Variants in SPOCK1 observed in about 807,000 individuals in gnomAD.
The protein encoded by SPOCK1 is testican-1.
SPOCK1 carries 23 observed loss-of-function variants against 55.3 expected under a neutral mutation model. The observed-to-expected ratio is 0.42, with a 90% CI of 0.30 to 0.59. The LOEUF (loss-of-function observed/expected upper bound fraction) is 0.59, where lower values mean the gene tolerates loss of function less well. SPOCK1 is among the 20% of genes least tolerant of loss of function. The pLI is 0.22. For synonymous variants in SPOCK1, 226 were observed against 221.0 expected (o/e 1.02, Z -0.20); for missense variants, 499 against 552.5 (o/e 0.90, Z 0.97).
chr5:137,322,740 AC>A (rs1758002713), intron 2 of SPOCK1, among the ~76,000 whole-genome samples: 1 of 152,224 alleles, frequency 6.6e-6, no homozygotes, highest in Admixed American at 6.5e-5. Context: ...GAAAAAAGGA[AC>A]AAAAACACTA....
intron 2 of SPOCK1, among the ~76,000 whole-genome samples, chr5:137,428,713 C>G (rs529121366): frequency 6.6e-6 from 1 of 152,318 alleles, no homozygotes; most frequent in African/African-American, 2.4e-5. Flanking sequence ...TCACTGGCCT[C>G]TAGCCCACCC....
chr5:137,338,936 G>GTGCA (rs1345626501), intron 2 of SPOCK1, among the ~76,000 whole-genome samples: 5 of 152,160 alleles, frequency 3.3e-5, no homozygotes, highest in African/African-American at 1.2e-4. Context: ...CAAAGGGACT[G>GTGCA]TCAATGCCTG....
chr5:137,367,835 T>A (rs1385947512), intron 2 of SPOCK1, among the ~76,000 whole-genome samples: 1 of 152,184 alleles, frequency 6.6e-6, no homozygotes, highest in Admixed American at 6.5e-5. Flanking sequence ...AAAATGGGCA[T>A]CCCTGCCCCC....
intron 2 of SPOCK1, among the ~76,000 whole-genome samples, chr5:137,433,340 G>C (rs1752789096): frequency 4.7e-5 from 1 of 21,288 alleles, no homozygotes; most frequent in Non-Finnish European, 4.3e-4. Flanking sequence ...AAAGACAATA[G>C]CCAGTTCACT....
chr5:137,453,474 CAA>C lies in SPOCK1; in HGVS notation c.186+44897_186+44898del, dbSNP rs774229991. 3.2e-3 allele frequency among the ~76,000 whole-genome samples: 490 copies of C among 152,196 alleles called. 3 individuals carry two copies. The highest frequency in any genetic ancestry group is 5.6e-3 in the Admixed American group (85 of 15,270). On this transcript the variant is annotated intron_variant, in intron 2 of 10. Transcript: ENST00000394945. ...GTCTAAGACCAAGAAAACTTGGGCC[CAA>C]AATATCAAGGCACTGAAAGCTAAAA...
chr5:137,396,009 C>T (rs1334624115), intron 2 of SPOCK1, among the ~76,000 whole-genome samples: 2 of 152,204 alleles, frequency 1.3e-5, no homozygotes, highest in Admixed American at 1.3e-4. Flanking sequence ...AGTTACGTTT[C>T]CTTGCAGCCA....
chr5:137,338,102 T>C (rs976489395), intron 2 of SPOCK1, among the ~76,000 whole-genome samples: 4 of 152,194 alleles, frequency 2.6e-5, no homozygotes, highest in Non-Finnish European at 4.4e-5. Flanking sequence ...ATGTGCCATG[T>C]TGGTGTGCTG....
rs550513166 is a variant in SPOCK1, at chr5:137,239,087, A to G, written c.232+27923T>C. 1.1e-3 allele frequency among the ~76,000 whole-genome samples: 168 copies of G among 152,356 alleles called. 6 individuals carry two copies. The highest frequency in any genetic ancestry group is 6.8e-3 in the Middle Eastern group (2 of 294). On this transcript the variant is annotated intron_variant, in intron 3 of 10. Transcript: ENST00000394945. The stretch of plus-strand genomic sequence containing the variant: ...CCAGAGGAGCCAACCATGTGATTAA[A>G]AGATTTTAACTTGCAGCACTAATCC...
intron 2 of SPOCK1, among the ~76,000 whole-genome samples, chr5:137,401,968 T>C (rs963268028): frequency 6.6e-6 from 1 of 152,162 alleles, no homozygotes; most frequent in African/African-American, 2.4e-5. Flanking sequence ...TTGTCTAAGA[T>C]ATCAGGATTT....
intron 5 of SPOCK1, among the ~76,000 whole-genome samples, chr5:137,073,473 T>C (rs1215928557): frequency 6.6e-6 from 1 of 152,104 alleles, no homozygotes; most frequent in Non-Finnish European, 1.5e-5. Context: ...GTGAGGAAGC[T>C]AGAGAGGGAT....
chr5:137,219,663 A>C (rs891629371), intron 3 of SPOCK1, among the ~76,000 whole-genome samples: 1 of 152,214 alleles, frequency 6.6e-6, no homozygotes, highest in African/African-American at 2.4e-5. Flanking sequence ...AGAAACAATA[A>C]CTGGCATAGT....
intron 6 of SPOCK1, among the ~76,000 whole-genome samples, chr5:137,051,068 G>A (rs1752198409): frequency 6.6e-6 from 1 of 152,128 alleles, no homozygotes; most frequent in Non-Finnish European, 1.5e-5. Flanking sequence ...TATCGTCGGA[G>A]AGAATAGATA....
chr5:137,386,486 G>C (rs1407674420), intron 2 of SPOCK1, among the ~76,000 whole-genome samples: 1 of 152,158 alleles, frequency 6.6e-6, no homozygotes, highest in African/African-American at 2.4e-5. Context: ...CCATAATCAA[G>C]ACAGCACATA....
chr5:137,153,856 T>TCAAAAAAA (rs569170814), intron 3 of SPOCK1, among the ~76,000 whole-genome samples: 1 of 140,812 alleles, frequency 7.1e-6, no homozygotes, highest in African/African-American at 2.6e-5. Flanking sequence ...AGATTCTGTC[T>TCAAAAAAA]CAAAAAAACA....
At chr5:137,348,984 G>A (rs1750620916) in intron 2 of SPOCK1, among the ~76,000 whole-genome samples, 1 of 152,124 alleles carries the variant, frequency 6.6e-6, no homozygotes, top group Non-Finnish European at 1.5e-5. Context: ...TGGTTACAAA[G>A]ATCACATTGT....
chr5:137,478,888 G>A (rs887505277), intron 2 of SPOCK1, among the ~76,000 whole-genome samples: 3 of 152,024 alleles, frequency 2.0e-5, no homozygotes, highest in Non-Finnish European at 2.9e-5. Context: ...GCTTTCAGAT[G>A]TGAAACAATA....
intron 9 of SPOCK1, among the ~76,000 whole-genome samples, chr5:136,983,591 C>A: frequency 7.1e-6 from 1 of 140,182 alleles, no homozygotes; most frequent in Non-Finnish European, 1.5e-5. Context: ...AGAAAGTGAA[C>A]ATGTAGAGAG....
chr5:137,230,148 A>G (rs549226809), intron 3 of SPOCK1, among the ~76,000 whole-genome samples: 3 of 152,328 alleles, frequency 2.0e-5, no homozygotes, highest in South Asian at 4.1e-4. Flanking sequence ...ACAACCTAAC[A>G]TAAACTCAGA....
chr5:137,070,199 C>T (rs1752585549), intron 5 of SPOCK1, among the ~76,000 whole-genome samples: 1 of 152,136 alleles, frequency 6.6e-6, no homozygotes, highest in Non-Finnish European at 1.5e-5. Context: ...TCCCTTCTGC[C>T]CAGGACCCAG....
Sources: allele counts gnomAD v4.1 joint callset (sites outside exome capture counted in the v4.1 genomes callset), GRCh38; gene constraint gnomAD v4.1.1; transcripts MANE v1.5; gene names NCBI Gene and HGNC (gene_info 2026-07-23, HGNC 2026-07-21).